C1orf115: variants seen among roughly 807,000 people sequenced by gnomAD.
C1orf115 encodes required for drug-induced death protein 1.
In C1orf115, 14 loss-of-function variants were observed where a neutral mutation model predicts 12.5. The ratio of observed to expected loss-of-function variants is 1.12; its 90% CI spans 0.74 to 1.75. The LOEUF (loss-of-function observed/expected upper bound fraction) is 1.75, where lower values mean the gene tolerates loss of function less well. C1orf115 is among the 40% of genes most tolerant of loss of function. The pLI is 0.00. For synonymous variants in C1orf115, 109 were observed against 104.6 expected, an observed-to-expected ratio of 1.04 and a Z score of -0.26; for missense variants, 237 against 220.8, an observed-to-expected ratio of 1.07 and a Z score of -0.46.
intron 1 of C1orf115, among the ~76,000 whole-genome samples, chr1:220,693,721 A>G (rs776833625): frequency 1.3e-5 from 2 of 152,228 alleles, no homozygotes; most frequent in Non-Finnish European, 2.9e-5. Flanking sequence ...CTCAGGATAC[A>G]GTAATGAGCA....
At chr1:220,695,782 G>T (rs1005894396) in intron 1 of C1orf115, among the ~76,000 whole-genome samples, 6 of 152,160 alleles carry the variant, frequency 3.9e-5, no homozygotes, top group African/African-American at 1.4e-4. Context: ...GAGAGACAAG[G>T]TATGTGGCCT....
intron 1 of C1orf115, among the ~76,000 whole-genome samples, chr1:220,693,109 C>T (rs1256466315): frequency 6.6e-6 from 1 of 152,140 alleles, no homozygotes; most frequent in Admixed American, 6.5e-5. Flanking sequence ...CCCCGAGACC[C>T]CAGCTCCCCT....
rs541591996 is a variant in C1orf115, at chr1:220,696,726, C to A, written c.424C>A (p.Arg142Ser). Residue 142 changes from arginine (R) to serine (S), a missense_variant, in exon 2 of 2, where the codon CGC becomes AGC. Physicochemically the swap from Arg to Ser is moderately radical, Grantham distance 110 (BLOSUM62 -1). Coordinates refer to ENST00000294889, the MANE Select transcript of C1orf115 (RefSeq NM_024709.5). ...AGCCACCAGCGTGGTATCCTTCGTG[C>A]GCTAATGGGAGCTGCTGTGGCAGGT... ...AVATSVVSFVR is the reference protein window; with the variant it reads ...AVATSVVSFVS The A allele has an allele frequency of 6.3e-7, 1 of 1,587,082 alleles. No homozygotes were observed. The highest frequency in any genetic ancestry group is 1.1e-5 in the South Asian group (1 of 89,674).
rs1572267383 is a variant in C1orf115, at chr1:220,690,686, G to A, written c.284G>A (p.Arg95Gln). 1.3e-6 allele frequency: 2 copies of A among 1,595,338 alleles called. No individual in the cohort carries two copies. The highest frequency in any genetic ancestry group is 2.7e-5 in the African/African-American group (2 of 73,926). ...APSEQPRKRY[R>Q]RKLKKYGKNV... Reference sequence around the variant, plus strand: ...AGCGAGCAGCCCAGGAAGAGGTACCGGAGGAAGCTGAAGAAGTACGGCAAG... The same window carrying A: ...AGCGAGCAGCCCAGGAAGAGGTACCAGAGGAAGCTGAAGAAGTACGGCAAG... The change falls in exon 1 of 2, where the codon CGG (arginine) becomes CAG (glutamine). Residue 95 changes from arginine (R) to glutamine (Q), a missense_variant. Arg to Gln is a conservative substitution (Grantham distance 43, BLOSUM62 1). Coordinates refer to ENST00000294889, the MANE Select transcript of C1orf115 (RefSeq NM_024709.5).
chr1:220,693,974 G>A (rs1042526627), intron 1 of C1orf115, among the ~76,000 whole-genome samples: 2 of 151,724 alleles, frequency 1.3e-5, no homozygotes, highest in African/African-American at 4.8e-5. Context: ...CAGCTACTTG[G>A]GAGGCTGCAG....
Position 220,690,370 on chromosome 1 carries a change from C to G in C1orf115, c.-33C>G. 7.3e-7 allele frequency: 1 copy of G among 1,373,832 alleles called. No individual in the cohort carries two copies. The highest frequency in any genetic ancestry group is 9.3e-7 in the Non-Finnish European group (1 of 1,070,748). The allele number at this position is 1,373,832 out of a possible 1,614,324, so 85.1% of individuals were successfully genotyped here. On this transcript the variant is annotated 5_prime_UTR_variant, in exon 1 of 2. Coordinates refer to ENST00000294889, the MANE Select transcript of C1orf115 (RefSeq NM_024709.5). ...CGGGGACCAAAGGTTGGTGTCTTTG[C>G]GCTCGGACCTTCGCCAGAGGGGCCG...
chr1:220,690,823 G>A, intron 1 of C1orf115, 112 bp downstream of exon 1: 2 of 1,254,956 alleles, frequency 1.6e-6, no homozygotes, highest in Non-Finnish European at 2.2e-6. Context: ...CTGCACCTGC[G>A]ACCCCTCCGC....
Position 220,696,606 on chromosome 1 carries a change from C to A in C1orf115, c.310-6C>A. The A allele has an allele frequency of 6.3e-7, 1 of 1,577,436 alleles. No individual in the cohort carries two copies. ...CTTTGCTTTTCTCTTTTATTCCTAA[C>A]ACTAGAATGTCGGGAAGGTCATCAT... On this transcript the variant is annotated splice_region_variant and splice_polypyrimidine_tract_variant and intron_variant, in intron 1 of 1. Coordinates refer to ENST00000294889, the MANE Select transcript of C1orf115 (RefSeq NM_024709.5).
At chr1:220,696,535 T>C (rs1443392407) in intron 1 of C1orf115, 77 bp from the exon 2 acceptor site, 3 of 1,466,610 alleles carry the variant, frequency 2.0e-6, no homozygotes, top group Non-Finnish European at 1.8e-6. Context: ...GTGACTCATT[T>C]TTTTTCATGA....
At position 220,690,486 on chromosome 1, in the gene C1orf115, G is replaced by A. The variant is rs1389580585; in HGVS notation, c.84G>A (p.Gly28=). The part of the protein sequence containing the change: ...RGPRGRGRTE[G]DEEAAAILEH... ...CCCGAGGGCGAGGGCGAACCGAGGGGGACGAGGAGGCGGCCGCCATCCTGG... is the reference window on the plus strand; with the variant it reads ...CCCGAGGGCGAGGGCGAACCGAGGGAGACGAGGAGGCGGCCGCCATCCTGG... Residue 28 remains glycine (G), a synonymous_variant, in exon 1 of 2, where the codon GGG becomes GGA. Transcript: ENST00000294889. 8 of 1,436,016 alleles carry A rather than the reference G, an allele frequency of 5.6e-6. No individual in the cohort carries two copies. Among genetic ancestry groups the A allele is most frequent in the African/African-American group, 3.0e-5 (2 of 66,260 alleles). 89.0% of individuals were successfully genotyped at this position (1,436,016 alleles called of 1,614,324 possible).
chr1:220,694,659 A>G (rs1346350508), intron 1 of C1orf115, among the ~76,000 whole-genome samples: 2 of 152,220 alleles, frequency 1.3e-5, no homozygotes, highest in African/African-American at 4.8e-5. Flanking sequence ...CCAGTAGCCA[A>G]TCCACGTTAG....
chr1:220,696,842 A>T lies in C1orf115; in HGVS notation c.*111A>T. On this transcript the variant is annotated 3_prime_UTR_variant, in exon 2 of 2. Coordinates refer to ENST00000294889, the MANE Select transcript of C1orf115 (RefSeq NM_024709.5). ...AACACACAGCATATTTGGAAGAGAA[A>T]ACATGCCTTTCTTTGTTGAATCACA... The T allele has an allele frequency of 1.5e-6, 2 of 1,351,638 alleles. No homozygotes were observed. Among genetic ancestry groups the T allele is most frequent in the South Asian group, 3.4e-5 (2 of 58,054 alleles). The allele number at this position is 1,351,638 out of a possible 1,614,324, so 83.7% of individuals were successfully genotyped here. A position where few individuals can be genotyped will look rare whatever the true frequency, so the allele number is the denominator to read the frequency against.
intron 1 of C1orf115, among the ~76,000 whole-genome samples, chr1:220,696,121 A>G (rs1558344475): frequency 6.6e-6 from 1 of 152,196 alleles, no homozygotes; most frequent in African/African-American, 2.4e-5. Flanking sequence ...GCAGAAGACT[A>G]CAAAAGGACA....
At chr1:220,691,168 C>T (rs1670101716) in intron 1 of C1orf115, among the ~76,000 whole-genome samples, 1 of 152,184 alleles carries the variant, frequency 6.6e-6, no homozygotes, top group African/African-American at 2.4e-5. Flanking sequence ...GGGTTACTCT[C>T]CCAAATATTC....
Position 220,690,380 on chromosome 1 carries a change from T to C in C1orf115, c.-23T>C, listed in dbSNP as rs1420396520. Reference sequence around the variant, plus strand: ...AGGTTGGTGTCTTTGCGCTCGGACCTTCGCCAGAGGGGCCGGGACATCATG... The same window carrying C: ...AGGTTGGTGTCTTTGCGCTCGGACCCTCGCCAGAGGGGCCGGGACATCATG... On this transcript the variant is annotated 5_prime_UTR_variant, in exon 1 of 2. Coordinates refer to ENST00000294889, the MANE Select transcript of C1orf115 (RefSeq NM_024709.5). 1.4e-6 allele frequency: 2 copies of C among 1,386,568 alleles called. No homozygotes were observed. The highest frequency in any genetic ancestry group is 6.1e-5 in the East Asian group (2 of 32,928). 85.9% of individuals were successfully genotyped at this position (1,386,568 alleles called of 1,614,324 possible).
chr1:220,695,252 T>C (rs952069710), intron 1 of C1orf115, among the ~76,000 whole-genome samples: 1 of 152,066 alleles, frequency 6.6e-6, no homozygotes, highest in Non-Finnish European at 1.5e-5. Context: ...GTCACGGTGA[T>C]ACCCGAGCAT....
In C1orf115 at chr1:220,696,728, C is replaced by T. The variant is rs200242922; in HGVS notation, c.426C>T (p.Arg142=). 2.1e-4 allele frequency: 331 copies of T among 1,586,422 alleles called. 1 individual carries two copies. The East Asian group carries it at 7.2e-3, about 35-fold the overall frequency. The change falls in exon 2 of 2, where the codon CGC becomes CGT. Residue 142 remains arginine (R), a synonymous_variant. Coordinates refer to ENST00000294889, the MANE Select transcript of C1orf115 (RefSeq NM_024709.5). The stretch of plus-strand genomic sequence containing the variant: ...CCACCAGCGTGGTATCCTTCGTGCG[C>T]TAATGGGAGCTGCTGTGGCAGGTGC... ...AVATSVVSFV[R]
intron 1 of C1orf115, among the ~76,000 whole-genome samples, chr1:220,696,401 C>T (rs1343640187): frequency 6.6e-6 from 1 of 152,218 alleles, no homozygotes; most frequent in Non-Finnish European, 1.5e-5. Flanking sequence ...GTGATGATGT[C>T]TGCTGTGAGC....
rs74141813 is a variant in C1orf115, at chr1:220,691,932, G to A, written c.309+1221G>A. Among the ~76,000 whole-genome samples the A allele has an allele frequency of 6.1e-3, 927 of 152,214 alleles. 15 individuals are homozygous for A. Among genetic ancestry groups the A allele is most frequent in the African/African-American group, 0.021 (870 of 41,534 alleles). On this transcript the variant is annotated intron_variant, in intron 1 of 1. Coordinates refer to ENST00000294889, the MANE Select transcript of C1orf115 (RefSeq NM_024709.5). ...GACATAGCTGGCTCCCCCCGCCCCCGGGGGGGCTTCAGGGCACAGAGCTCA... is the reference window on the plus strand; with the variant it reads ...GACATAGCTGGCTCCCCCCGCCCCCAGGGGGGCTTCAGGGCACAGAGCTCA...
Sources: allele counts gnomAD v4.1 joint callset (sites outside exome capture counted in the v4.1 genomes callset), GRCh38; gene constraint gnomAD v4.1.1; transcripts MANE v1.5; gene names NCBI Gene and HGNC (gene_info 2026-07-23, HGNC 2026-07-21).